Variants in PABPC4L observed in about 807,000 individuals in gnomAD.
The protein encoded by PABPC4L is poly(A) binding protein cytoplasmic 4 like.
For missense variants in PABPC4L, 452 were observed against 451.4 expected, an observed-to-expected ratio of 1.00 and a Z score of -0.01; for synonymous variants, 169 against 164.1, an observed-to-expected ratio of 1.03 and a Z score of -0.23.
At chr4:133,993,621 T>C in the PABPC4L span, among the ~76,000 whole-genome samples, 2 of 152,180 alleles carry the variant, frequency 1.3e-5, no homozygotes, top group Non-Finnish European at 1.5e-5. Flanking sequence ...GGAGGGGACA[T>C]ACCTATGAGC....
At chr4:134,163,929 G>C in the PABPC4L span, among the ~76,000 whole-genome samples, 10 of 152,034 alleles carry the variant, frequency 6.6e-5, no homozygotes, top group Admixed American at 6.6e-4. Flanking sequence ...CAAAGAACTG[G>C]AACAAGACAG....
At chr4:134,155,630 A>G in the PABPC4L span, among the ~76,000 whole-genome samples, 3,946 of 152,144 alleles carry the variant, frequency 0.026, 143 homozygotes, top group African/African-American at 0.089. Flanking sequence ...TGAATTACAT[A>G]TAATCATTTA....
the PABPC4L span, among the ~76,000 whole-genome samples, chr4:133,954,228 G>A: frequency 2.5e-4 from 38 of 152,274 alleles, 1 homozygote; most frequent in South Asian, 7.7e-3. Context: ...GGAGACATAT[G>A]TCGGGGGAAA....
the PABPC4L span, among the ~76,000 whole-genome samples, chr4:134,161,222 T>C: frequency 6.6e-6 from 1 of 150,912 alleles, no homozygotes; most frequent in African/African-American, 2.4e-5. Context: ...AAATGCAGGC[T>C]ACATGGAAAT....
At chr4:134,123,426 A>G in the PABPC4L span, among the ~76,000 whole-genome samples, 21 of 152,168 alleles carry the variant, frequency 1.4e-4, no homozygotes, top group African/African-American at 3.9e-4. Flanking sequence ...TCAGGGCATC[A>G]CCTTATTTAA....
At chr4:134,079,909 T>TA in the PABPC4L span, among the ~76,000 whole-genome samples, 5 of 152,148 alleles carry the variant, frequency 3.3e-5, no homozygotes, top group Non-Finnish European at 5.9e-5. Flanking sequence ...CTATATAGTT[T>TA]AAAAAAATTT....
chr4:133,999,428 GT>G, the PABPC4L span, among the ~76,000 whole-genome samples: 1 of 151,922 alleles, frequency 6.6e-6, no homozygotes, highest in East Asian at 1.9e-4. Context: ...TTATTATTGT[GT>G]TGTTTGCTTG....
chr4:134,182,080 T>A, the PABPC4L span, among the ~76,000 whole-genome samples: 1 of 150,226 alleles, frequency 6.7e-6, no homozygotes, highest in Non-Finnish European at 1.5e-5. Context: ...ACCAAAGACA[T>A]TCTTCATAGA....
chr4:134,194,539 T>C (rs1729602740), downstream of PABPC4L, among the ~76,000 whole-genome samples: 1 of 151,864 alleles, frequency 6.6e-6, no homozygotes, highest in African/African-American at 2.4e-5. Context: ...GAACATCACA[T>C]AAACAGAACC....
the PABPC4L span, among the ~76,000 whole-genome samples, chr4:134,143,354 T>A: frequency 6.7e-6 from 1 of 150,260 alleles, no homozygotes; most frequent in Non-Finnish European, 1.5e-5. Flanking sequence ...ACATATTATG[T>A]AATATTTATG....
the PABPC4L span, among the ~76,000 whole-genome samples, chr4:134,070,674 AT>A: frequency 4.6e-5 from 7 of 152,098 alleles, no homozygotes; most frequent in African/African-American, 1.7e-4. Context: ...GGCCAGCAAA[AT>A]GTGCAGGTGA....
chr4:134,030,675 G>A, the PABPC4L span, among the ~76,000 whole-genome samples: 5 of 152,012 alleles, frequency 3.3e-5, no homozygotes, highest in Non-Finnish European at 7.4e-5. Context: ...CTGTGGTAAT[G>A]AATGAACATT....
downstream of PABPC4L, among the ~76,000 whole-genome samples, chr4:134,194,396 T>C (rs1729599000): frequency 6.6e-6 from 1 of 151,820 alleles, no homozygotes; most frequent in South Asian, 2.1e-4. Context: ...CACTTGTATC[T>C]TGATTTTTCC....
the PABPC4L span, among the ~76,000 whole-genome samples, chr4:134,014,980 G>A: frequency 6.6e-6 from 1 of 151,992 alleles, no homozygotes; most frequent in East Asian, 1.9e-4. Flanking sequence ...CTGGACTATA[G>A]CTACATCTCA....
At chr4:134,004,963 G>A in the PABPC4L span, among the ~76,000 whole-genome samples, 1,546 of 151,860 alleles carry the variant, frequency 0.01, 24 homozygotes, top group Middle Eastern at 0.017. Context: ...GCAGTGAGAC[G>A]GGGTTGGTAA....
At chr4:134,001,917 G>A in the PABPC4L span, among the ~76,000 whole-genome samples, 1 of 152,022 alleles carries the variant, frequency 6.6e-6, no homozygotes, top group African/African-American at 2.4e-5. Context: ...TGGTTTCAGA[G>A]TAGAGCTAAT....
the PABPC4L span, among the ~76,000 whole-genome samples, chr4:134,150,022 G>T: frequency 6.6e-6 from 1 of 151,868 alleles, no homozygotes; most frequent in African/African-American, 2.4e-5. Flanking sequence ...ACTAAGGACA[G>T]ACCATTTTTG....
chr4:134,030,729 T>A, the PABPC4L span, among the ~76,000 whole-genome samples: 7 of 152,064 alleles, frequency 4.6e-5, no homozygotes, highest in Non-Finnish European at 7.4e-5. Context: ...GAAAAATAAA[T>A]GTTTATAAAA....
the PABPC4L span, among the ~76,000 whole-genome samples, chr4:134,003,780 C>T: frequency 6.6e-6 from 1 of 151,836 alleles, no homozygotes; most frequent in African/African-American, 2.4e-5. Flanking sequence ...GAAATCTTTA[C>T]ACGGGAAGCA....
Sources: allele counts gnomAD v4.1 joint callset (sites outside exome capture counted in the v4.1 genomes callset), GRCh38; gene constraint gnomAD v4.1.1; transcripts MANE v1.5; gene names NCBI Gene and HGNC (gene_info 2026-07-23, HGNC 2026-07-21).